The following EXOC6 variants were observed in gnomAD, a reference collection of about 807,000 sequenced individuals.
EXOC6 encodes SEC15-like 1.
Under a neutral mutation model 112.5 loss-of-function variants are expected in EXOC6, and 60 were observed. The ratio of observed to expected loss-of-function variants is 0.53; its 90% CI spans 0.43 to 0.66. EXOC6 has a LOEUF of 0.66. EXOC6 is among the 30% of genes least tolerant of loss of function. The pLI is 0.00. For synonymous variants in EXOC6, 295 were observed against 308.0 expected, an observed-to-expected ratio of 0.96 and a Z score of 0.44; for missense variants, 855 against 957.1, an observed-to-expected ratio of 0.89 and a Z score of 1.41.
At chr10:92,843,212 GCAGGAATCCT>G (rs1238355982) in intron 1 of EXOC6, among the ~76,000 whole-genome samples, 2 of 152,184 alleles carry the variant, frequency 1.3e-5, no homozygotes, top group Non-Finnish European at 2.9e-5. Flanking sequence ...GGGTTTTACA[GCAGGAATCCT>G]CCCAGACCAG....
At chr10:92,882,467 C>G (rs760328150) in intron 1 of EXOC6, among the ~76,000 whole-genome samples, 1 of 148,524 alleles carries the variant, frequency 6.7e-6, no homozygotes, top group Non-Finnish European at 1.5e-5. Flanking sequence ...TTGCTTGAAC[C>G]TGGGAGGCAG....
At chr10:92,834,670 TATAAA>T (rs1589666032), upstream of EXOC6, 2 of 1,267,884 alleles carry the variant, frequency 1.6e-6, no homozygotes, top group Non-Finnish European at 2.2e-6. Flanking sequence ...TTTTTTTTTT[TATAAA>T]TTACAACAGT....
At chr10:93,031,795 G>A (rs561852465) in intron 20 of EXOC6, among the ~76,000 whole-genome samples, 41 of 152,220 alleles carry the variant, frequency 2.7e-4, no homozygotes, top group Admixed American at 8.5e-4. Context: ...TTATAGGCAT[G>A]AGCCACCGTG....
intron 13 of EXOC6, among the ~76,000 whole-genome samples, chr10:92,942,923 G>C (rs1398730159): frequency 6.6e-6 from 1 of 152,124 alleles, no homozygotes; most frequent in Non-Finnish European, 1.5e-5. Context: ...CAAAGTAATA[G>C]TGGAGGAGAA....
chr10:92,890,772 GAAT>G (rs1017654934), intron 1 of EXOC6, among the ~76,000 whole-genome samples: 25 of 152,258 alleles, frequency 1.6e-4, no homozygotes, highest in Middle Eastern at 6.8e-3. Flanking sequence ...TGCTGGCATG[GAAT>G]AAGTAAAATG....
chr10:92,976,131 TGAG>T (rs908694704), intron 18 of EXOC6, among the ~76,000 whole-genome samples: 2 of 148,872 alleles, frequency 1.3e-5, no homozygotes, highest in African/African-American at 2.5e-5. Context: ...TACTGGGAAG[TGAG>T]GAGCCCCTCT....
At chr10:92,986,567 G>C (rs766461788) in intron 18 of EXOC6, among the ~76,000 whole-genome samples, 8 of 151,106 alleles carry the variant, frequency 5.3e-5, no homozygotes, top group Non-Finnish European at 8.8e-5. Context: ...ATATGGAGGG[G>C]GACCTTCAGT....
chr10:92,862,655 T>C (rs1212092846), intron 1 of EXOC6, among the ~76,000 whole-genome samples: 3 of 152,156 alleles, frequency 2.0e-5, no homozygotes, highest in Non-Finnish European at 4.4e-5. Context: ...TAGCAGTCCA[T>C]ATGGACTGCT....
upstream of EXOC6, chr10:92,831,341 G>A (rs111500624): frequency 3.6e-3 from 4,645 of 1,288,802 alleles, 15 homozygotes; most frequent in Middle Eastern, 5.7e-3. Context: ...TAGGAGGAGC[G>A]GGGTCATGCA....
At position 92,949,201 on chromosome 10, in the gene EXOC6, T is replaced by C. The variant is rs898832205; in HGVS notation, c.1416+822T>C. The stretch of plus-strand genomic sequence containing the variant: ...GTAATTCAGTACCTTTCTACATTTT[T>C]ATCACTTCAGCATGAGCAAGACCAA... On this transcript the variant is annotated intron_variant, in intron 14 of 21. Transcript: ENST00000260762. Among the ~76,000 whole-genome samples, 3 of 152,340 alleles carry C rather than the reference T, an allele frequency of 2.0e-5. No homozygotes were observed. The South Asian group carries it at 6.2e-4, about 32-fold the overall frequency.
intron 8 of EXOC6, among the ~76,000 whole-genome samples, chr10:92,920,854 A>G (rs1003106420): frequency 1.3e-5 from 2 of 152,044 alleles, no homozygotes; most frequent in Non-Finnish European, 2.9e-5. Context: ...ATCTTTCTTC[A>G]TAATATTTTT....
At chr10:92,947,036 T>C (rs1428268957) in intron 13 of EXOC6, among the ~76,000 whole-genome samples, 1 of 152,218 alleles carries the variant, frequency 6.6e-6, no homozygotes, top group Non-Finnish European at 1.5e-5. Context: ...GGAATTGTCA[T>C]CACAGCCCAG....
At chr10:93,040,960 G>A (rs1024538566) in intron 20 of EXOC6, among the ~76,000 whole-genome samples, 2 of 152,180 alleles carry the variant, frequency 1.3e-5, no homozygotes, top group Non-Finnish European at 2.9e-5. Context: ...GAGCTGACCC[G>A]CTTTCATCAG....
chr10:92,990,890 A>C (rs773625493), intron 18 of EXOC6, among the ~76,000 whole-genome samples: 2 of 152,140 alleles, frequency 1.3e-5, no homozygotes, highest in Non-Finnish European at 2.9e-5. Context: ...CAGCAAATGA[A>C]GTTCTGCTTG....
intron 8 of EXOC6, among the ~76,000 whole-genome samples, chr10:92,920,649 G>T (rs1379239738): frequency 6.6e-6 from 1 of 152,026 alleles, no homozygotes; most frequent in Non-Finnish European, 1.5e-5. Context: ...CTTCCTTGTT[G>T]GTCTTCTGCC....
intron 17 of EXOC6, among the ~76,000 whole-genome samples, chr10:92,957,197 C>T (rs1853741339): frequency 6.6e-6 from 1 of 152,116 alleles, no homozygotes; most frequent in African/African-American, 2.4e-5. Flanking sequence ...TCTGTCCTTA[C>T]ATCCATCTGT....
intron 20 of EXOC6, among the ~76,000 whole-genome samples, chr10:93,030,399 C>T (rs969915591): frequency 2.0e-5 from 3 of 152,192 alleles, no homozygotes; most frequent in Non-Finnish European, 4.4e-5. Flanking sequence ...ATAATTTGAA[C>T]TTCTAAAAAA....
intron 19 of EXOC6, among the ~76,000 whole-genome samples, chr10:93,001,177 T>C (rs1053926532): frequency 6.6e-6 from 1 of 152,080 alleles, no homozygotes; most frequent in Non-Finnish European, 1.5e-5. Context: ...CAGGATACCA[T>C]GGAAATCAAC....
intron 1 of EXOC6, among the ~76,000 whole-genome samples, chr10:92,880,600 G>A (rs1848912013): frequency 6.6e-6 from 1 of 152,054 alleles, no homozygotes; most frequent in African/African-American, 2.4e-5. Context: ...CCAAGTAGTG[G>A]GAGAGTAAAT....
Sources: allele counts gnomAD v4.1 joint callset (sites outside exome capture counted in the v4.1 genomes callset), GRCh38; gene constraint gnomAD v4.1.1; transcripts MANE v1.5; gene names NCBI Gene and HGNC (gene_info 2026-07-23, HGNC 2026-07-21).